Variants in SVEP1 observed in about 807,000 individuals in gnomAD.
SVEP1 encodes the protein sushi, von Willebrand factor type A, EGF and pentraxin domain containing 1.
SVEP1 carries 164 observed loss-of-function variants against 367.3 expected under a neutral mutation model. The ratio of observed to expected loss-of-function variants is 0.45; its 90% CI spans 0.39 to 0.51. The LOEUF is 0.51. Ranked by LOEUF, SVEP1 falls within the 20% of genes least tolerant of loss-of-function variation. SVEP1 has a pLI of 0.00. For missense variants in SVEP1, 4,117 were observed against 4,425.3 expected, an observed-to-expected ratio of 0.93 and a Z score of 1.98; for synonymous variants, 1,666 against 1,611.6, an observed-to-expected ratio of 1.03 and a Z score of -0.81.
chr9:110,553,855 G>A (rs1168087206), intron 1 of SVEP1, among the ~76,000 whole-genome samples: 1 of 152,090 alleles, frequency 6.6e-6, no homozygotes, highest in African/African-American at 2.4e-5. Context: ...AAAAACCTTG[G>A]AATCATCCTT....
chr9:110,389,986 AAAAACACATG>A (rs1408800241), intron 40 of SVEP1, among the ~76,000 whole-genome samples: 1 of 125,592 alleles, frequency 8.0e-6, no homozygotes, highest in East Asian at 5.3e-4. Context: ...ATTTGGCCAT[AAAAACACATG>A]TGATGTATAC....
chr9:110,456,790 CCCA>C (rs1412020045), intron 21 of SVEP1, among the ~76,000 whole-genome samples: 1 of 152,150 alleles, frequency 6.6e-6, no homozygotes, highest in Non-Finnish European at 1.5e-5. Flanking sequence ...CATAATAAAG[CCCA>C]AAGCCAAATT....
At chr9:110,382,235 T>C (rs1827450044) in intron 43 of SVEP1, among the ~76,000 whole-genome samples, 1 of 152,306 alleles carries the variant, frequency 6.6e-6, no homozygotes, top group Admixed American at 6.5e-5. Context: ...CCTCTCCATA[T>C]TTAGTGCTTC....
At chr9:110,469,899 C>T (rs955836065) in intron 16 of SVEP1, among the ~76,000 whole-genome samples, 3 of 152,104 alleles carry the variant, frequency 2.0e-5, no homozygotes, top group Admixed American at 6.6e-5. Context: ...GGGGAGGAAA[C>T]AAATGCAGGC....
chr9:110,379,529 C>T lies in SVEP1; in HGVS notation c.10238-12G>A. 6.2e-7 allele frequency: 1 copy of T among 1,613,178 alleles called. No individual in the cohort carries two copies. The highest frequency in any genetic ancestry group is 8.5e-7 in the Non-Finnish European group (1 of 1,179,500). On this transcript the variant is annotated splice_polypyrimidine_tract_variant and intron_variant, in intron 43 of 47. Coordinates refer to ENST00000374469, the MANE Select transcript of SVEP1 (RefSeq NM_153366.4). ...ACCACATGAGATTTCTACAGGATAACAAAACAACAATTAAGCTTGTGCTAT... is the reference window on the plus strand; with the variant it reads ...ACCACATGAGATTTCTACAGGATAATAAAACAACAATTAAGCTTGTGCTAT...
chr9:110,414,652 A>G (rs773936224), intron 36 of SVEP1, among the ~76,000 whole-genome samples: 2 of 151,968 alleles, frequency 1.3e-5, no homozygotes, highest in African/African-American at 2.4e-5. Context: ...TTCAGATGCA[A>G]TTTGCAATGA....
In SVEP1 at chr9:110,365,763, C is replaced by G. The variant is rs545447224; in HGVS notation, c.*776G>C. 1 of 152,194 alleles carries G rather than the reference C, an allele frequency of 6.6e-6. No homozygotes were observed. The highest frequency in any genetic ancestry group is 1.5e-5 in the Non-Finnish European group (1 of 68,060). The allele number at this position is 152,194 out of a possible 1,614,324, so 9.4% of individuals were successfully genotyped here. Reference sequence around the variant, plus strand: ...ATAGTGAGTTGTGGGATTACCAGTCCGGGTATCAGCTCTTTGTTAATCTTC... The same window carrying G: ...ATAGTGAGTTGTGGGATTACCAGTCGGGGTATCAGCTCTTTGTTAATCTTC... On this transcript the variant is annotated 3_prime_UTR_variant, in exon 48 of 48. Transcript: ENST00000374469.
At chr9:110,491,590 G>GGGGGTGTGTGTGTGT (rs76905358) in intron 8 of SVEP1, among the ~76,000 whole-genome samples, 2 of 147,732 alleles carry the variant, frequency 1.4e-5, no homozygotes, top group African/African-American at 5.0e-5. Flanking sequence ...TATAGAATGG[G>GGGGGTGTGTGTGTGT]GTGTGTGTGT....
intron 9 of SVEP1, among the ~76,000 whole-genome samples, chr9:110,488,887 T>A (rs1423429164): frequency 6.6e-6 from 1 of 151,726 alleles, no homozygotes; most frequent in Non-Finnish European, 1.5e-5. Context: ...CTGAAAAAAA[T>A]TAAATAAATG....
chr9:110,538,297 AAAAAGCAAATGGGAATAC>A (rs2118829668), intron 3 of SVEP1, among the ~76,000 whole-genome samples: 1 of 152,204 alleles, frequency 6.6e-6, no homozygotes, highest in Non-Finnish European at 1.5e-5. Context: ...ATTCCTTCAT[AAAAAGCAAATGGGAATAC>A]ATTGTATAAA....
At chr9:110,508,840 A>C (rs1409467234) in intron 5 of SVEP1, among the ~76,000 whole-genome samples, 1 of 152,050 alleles carries the variant, frequency 6.6e-6, no homozygotes, top group East Asian at 1.9e-4. Context: ...GTGCTTTATG[A>C]AAAGTGCATA....
chr9:110,558,416 A>C (rs1830381168), intron 1 of SVEP1, among the ~76,000 whole-genome samples: 1 of 145,064 alleles, frequency 6.9e-6, no homozygotes, highest in South Asian at 2.3e-4. Flanking sequence ...TGGGTGGCTG[A>C]GGTGGGAGAA....
chr9:110,489,820 A>G (rs1380104850), intron 8 of SVEP1, 41 bp from the exon 9 acceptor site: 1 of 1,579,374 alleles, frequency 6.3e-7, no homozygotes, highest in Non-Finnish European at 8.6e-7. Context: ...TAATGTCAAA[A>G]GTGCGTTTAT....
Position 110,574,609 on chromosome 9 carries a change from T to G in SVEP1, c.531+4404A>C, listed in dbSNP as rs532553760. On this transcript the variant is annotated intron_variant, in intron 1 of 47. Coordinates refer to ENST00000374469, the MANE Select transcript of SVEP1 (RefSeq NM_153366.4). ...CTCAACCAACACCATTTCTAAATGT[T>G]GGTCATCTTCTACCAATTTTCTCTA... is the stretch of plus-strand genomic sequence containing the variant. Among the ~76,000 whole-genome samples the G allele has an allele frequency of 3.9e-5, 6 of 152,328 alleles. No homozygotes were observed. The South Asian group carries it at 1.2e-3, about 32-fold the overall frequency.
intron 27 of SVEP1, among the ~76,000 whole-genome samples, 157 bp from the exon 28 acceptor site, chr9:110,436,661 A>T (rs1021941864): frequency 6.6e-6 from 1 of 152,256 alleles, no homozygotes; most frequent in Non-Finnish European, 1.5e-5. Context: ...TTTATCAATA[A>T]GAACAAATTC....
At chr9:110,438,433 G>C (rs1160397688) in intron 27 of SVEP1, among the ~76,000 whole-genome samples, 1 of 151,886 alleles carries the variant, frequency 6.6e-6, no homozygotes, top group East Asian at 1.9e-4. Flanking sequence ...TCCAACTCCT[G>C]GTCTCAAGTG....
In SVEP1 at chr9:110,445,967, G is replaced by A; in HGVS notation, c.4333C>T (p.Leu1445Phe). 2 of 1,613,872 alleles carry A rather than the reference G, an allele frequency of 1.2e-6. No homozygotes were observed. The highest frequency in any genetic ancestry group is 1.7e-6 in the Non-Finnish European group (2 of 1,179,818). Residue 1445 changes from leucine (L) to phenylalanine (F), a missense_variant, in exon 26 of 48, where the codon CTC becomes TTC. By Grantham distance (22) the Leu-to-Phe change is conservative (BLOSUM62 0). Coordinates refer to ENST00000374469, the MANE Select transcript of SVEP1 (RefSeq NM_153366.4). The stretch of plus-strand genomic sequence containing the variant: ...CAGGTTAGAGCATGGAGAGATGGGA[G>A]CATGCCATCTAGCATGACATATCCA... ...IYGYVMLDGM[L>F]PSLHALTCTF... is the part of the protein sequence containing the mutation.
chr9:110,429,938 C>A lies in SVEP1; in HGVS notation c.5597G>T (p.Gly1866Val), dbSNP rs1260150275. 3 of 1,612,644 alleles carry A rather than the reference C, an allele frequency of 1.9e-6. No homozygotes were observed. Among genetic ancestry groups the A allele is most frequent in the Non-Finnish European group, 1.7e-6 (2 of 1,179,706 alleles). ...GCIEELAFTF[G>V]SKVTYRCNKG... ...TACTTACCTATATGTCACTTTGCTG[C>A]CAAAAGTAAATGCTAACTCCTCAAT... Residue 1866 changes from glycine (G) to valine (V), a missense_variant, in exon 34 of 48, where the codon GGC becomes GTC. Physicochemically the swap from Gly to Val is moderately radical, Grantham distance 109. Transcript: ENST00000374469.
At chr9:110,401,919 G>A (rs144442931) in intron 39 of SVEP1, among the ~76,000 whole-genome samples, 248 of 152,046 alleles carry the variant, frequency 1.6e-3, no homozygotes, top group African/African-American at 5.7e-3. Flanking sequence ...CAGGATTTGC[G>A]GCTAAACCCT....
Sources: allele counts gnomAD v4.1 joint callset (sites outside exome capture counted in the v4.1 genomes callset), GRCh38; gene constraint gnomAD v4.1.1; transcripts MANE v1.5; gene names NCBI Gene and HGNC (gene_info 2026-07-23, HGNC 2026-07-21).